ABCG8: variants seen among roughly 807,000 people sequenced by gnomAD.
ABCG8 encodes the protein ATP binding cassette subfamily G member 8.
A neutral mutation model predicts 71.3 loss-of-function variants in ABCG8; 81 were observed. The observed-to-expected ratio is 1.14, with a 90% confidence interval of 0.95 to 1.37. The LOEUF (loss-of-function observed/expected upper bound fraction) is 1.37, where lower values mean the gene tolerates loss of function less well. Among genes scored for constraint, ABCG8 ranks in the 40% most tolerant of loss-of-function variants. The probability of loss-of-function intolerance (pLI) is 0.00; values close to 1 mark genes in which losing one functional copy is unlikely to be tolerated. For synonymous variants in ABCG8, 451 were observed against 354.7 expected (o/e 1.27, Z -3.05); for missense variants, 1,119 against 866.2 (o/e 1.29, Z -3.66).
chr2:43,867,677 A>G, intron 6 of ABCG8, among the ~76,000 whole-genome samples: 1 of 149,084 alleles, frequency 6.7e-6, no homozygotes, highest in East Asian at 2.0e-4. Flanking sequence ...AACTCTCACT[A>G]TCTGTCTGGA....
At position 43,846,297 on chromosome 2, in the gene ABCG8, T is replaced by A. The variant is rs1407428130; in HGVS notation, c.308T>A (p.Ile103Asn). The change falls in exon 3 of 13, where the codon ATC becomes AAC. Residue 103 changes from isoleucine (I) to asparagine (N), a missense_variant. Physicochemically the swap from Ile to Asn is moderately radical, Grantham distance 149. Coordinates refer to ENST00000272286, the MANE Select transcript of ABCG8 (RefSeq NM_022437.3). ...FKVRSGQMLA[I>N]IGSSGCGRAS... ...GTGAGAAGTGGGCAGATGCTGGCCA[T>A]CATAGGGAGCTCAGGTACCGGAAAG... 6.2e-7 allele frequency: 1 copy of A among 1,614,178 alleles called. No individual in the cohort carries two copies. Among genetic ancestry groups the A allele is most frequent in the East Asian group, 2.2e-5 (1 of 44,884 alleles).
intron 6 of ABCG8, among the ~76,000 whole-genome samples, chr2:43,869,298 G>A (rs1438135365): frequency 5.5e-5 from 8 of 146,666 alleles, no homozygotes; most frequent in African/African-American, 1.8e-4. Flanking sequence ...TAGTATTCTC[G>A]CTCTCTGGAA....
intron 6 of ABCG8, among the ~76,000 whole-genome samples, chr2:43,870,943 G>A (rs1343666790): frequency 1.4e-5 from 2 of 144,402 alleles, no homozygotes; most frequent in African/African-American, 5.2e-5. Flanking sequence ...TAACTCGATA[G>A]AACTTTCACC....
chr2:43,842,673 GC>G (rs1668616698), intron 1 of ABCG8, among the ~76,000 whole-genome samples: 1 of 152,042 alleles, frequency 6.6e-6, no homozygotes, highest in South Asian at 2.1e-4. Context: ...ATTACCAAAA[GC>G]TTTGAAGCTT....
chr2:43,841,547 C>T (rs145722335), intron 1 of ABCG8, among the ~76,000 whole-genome samples: 1 of 152,198 alleles, frequency 6.6e-6, no homozygotes, highest in African/African-American at 2.4e-5. Context: ...AACCCAGGCA[C>T]GAATTTTCTT....
chr2:43,854,025 C>T (rs1176239464), intron 6 of ABCG8, among the ~76,000 whole-genome samples: 1 of 152,228 alleles, frequency 6.6e-6, no homozygotes, highest in Non-Finnish European at 1.5e-5. Context: ...AGAATAGGGG[C>T]CAAAAGGCAC....
At chr2:43,864,712 C>T (rs968399545) in intron 6 of ABCG8, among the ~76,000 whole-genome samples, 1 of 151,828 alleles carries the variant, frequency 6.6e-6, no homozygotes, top group African/African-American at 2.4e-5. Flanking sequence ...AGAATTCCCA[C>T]CCTCTAGGTA....
In ABCG8 at chr2:43,877,814, C is replaced by CG. The variant is rs1302508525; in HGVS notation, c.1924dup (p.Ala642GlyfsTer90). ...TGGAGCTGGACTCGTACCCTCTCTA[C>CG]GCCATCTACCTCATCGTCATTGGCC... On this transcript the variant is annotated frameshift_variant, in exon 13 of 13. Transcript: ENST00000272286. LOFTEE classifies it high-confidence loss of function. The CG allele has an allele frequency of 6.2e-7, 1 of 1,614,060 alleles. No individual in the cohort carries two copies.
intron 6 of ABCG8, among the ~76,000 whole-genome samples, chr2:43,865,963 A>G (rs1669518965): frequency 6.6e-6 from 1 of 151,330 alleles, no homozygotes; most frequent in Non-Finnish European, 1.5e-5. Flanking sequence ...GGCTACAGTA[A>G]CCAAAACATC....
At chr2:43,855,239 T>C (rs1006074082) in intron 6 of ABCG8, among the ~76,000 whole-genome samples, 1 of 152,220 alleles carries the variant, frequency 6.6e-6, no homozygotes, top group South Asian at 2.1e-4. Context: ...ACCATCTAGA[T>C]AGAACTCTCA....
chr2:43,875,073 C>T, intron 10 of ABCG8, 73 bp from the exon 11 acceptor site: 1 of 1,606,704 alleles, frequency 6.2e-7, no homozygotes, highest in Non-Finnish European at 8.5e-7. Flanking sequence ...GGGGGCACTG[C>T]TACTTTTAAA....
rs1431990668 is a variant in ABCG8, at chr2:43,878,146, C to A, written c.*233C>A. ...GGAGACTGCGATGACTGGGAGAAAA[C>A]CTGCACTCGGTGGCACCTACAACGT... On this transcript the variant is annotated 3_prime_UTR_variant, in exon 13 of 13. Transcript: ENST00000272286. 6.5e-6 allele frequency: 4 copies of A among 611,822 alleles called. No homozygotes were observed. The East Asian group carries it at 8.9e-5, about 14-fold the overall frequency. The allele number at this position is 611,822 out of a possible 1,614,324, so 37.9% of individuals were successfully genotyped here.
intron 6 of ABCG8, among the ~76,000 whole-genome samples, chr2:43,864,938 C>G (rs1407091159): frequency 6.7e-6 from 1 of 148,224 alleles, no homozygotes; most frequent in Non-Finnish European, 1.5e-5. Context: ...ATATAACTCT[C>G]ACTATCTATC....
chr2:43,855,314 C>A (rs577462711), intron 6 of ABCG8, among the ~76,000 whole-genome samples: 58 of 152,212 alleles, frequency 3.8e-4, no homozygotes, highest in Non-Finnish European at 7.5e-4. Flanking sequence ...AGAATACTCA[C>A]TCTCTGGATA....
At chr2:43,870,528 T>C (rs1033380386) in intron 6 of ABCG8, among the ~76,000 whole-genome samples, 1 of 152,128 alleles carries the variant, frequency 6.6e-6, no homozygotes, top group African/African-American at 2.4e-5. Context: ...ATTCTCACCC[T>C]TTGGATAGAA....
intron 6 of ABCG8, among the ~76,000 whole-genome samples, chr2:43,858,520 C>T (rs560110398): frequency 1.3e-5 from 2 of 150,752 alleles, no homozygotes; most frequent in African/African-American, 4.9e-5. Context: ...CTATCTATCT[C>T]GATAGAATTC....
At chr2:43,865,415 A>T (rs1253889674) in intron 6 of ABCG8, among the ~76,000 whole-genome samples, 1 of 151,082 alleles carries the variant, frequency 6.6e-6, no homozygotes, top group Non-Finnish European at 1.5e-5. Context: ...ATCTGTCTGG[A>T]TAGAATTCTT....
intron 6 of ABCG8, among the ~76,000 whole-genome samples, chr2:43,865,839 A>G (rs898135002): frequency 1.3e-5 from 2 of 149,784 alleles, no homozygotes; most frequent in African/African-American, 4.9e-5. Context: ...CTCACTATCT[A>G]TCTGGATAGA....
chr2:43,852,449 G>C lies in ABCG8; in HGVS notation c.657G>C (p.Arg219Ser). 1 of 1,613,238 alleles carries C rather than the reference G, an allele frequency of 6.2e-7. No homozygotes were observed. The highest frequency in any genetic ancestry group is 1.1e-5 in the South Asian group (1 of 91,040). The change falls in exon 5 of 13, where the codon AGG (arginine) becomes AGC (serine). Residue 219 changes from arginine (R) to serine (S), a missense_variant. Coordinates refer to ENST00000272286, the MANE Select transcript of ABCG8 (RefSeq NM_022437.3). ...GGGGGTTGTCGGGGGGTGAGCGCAG[G>C]AGAGTCAGCATTGGGGTGCAGCTCC... is the stretch of plus-strand genomic sequence containing the variant. ...YVRGLSGGERRRVSIGVQLLW... is the reference protein window; with the variant it reads ...YVRGLSGGERSRVSIGVQLLW...
Sources: gnomAD v4.1 joint callset for allele counts (sites outside exome capture counted in the v4.1 genomes callset) on GRCh38, gnomAD v4.1.1 for gene constraint, MANE v1.5 for transcripts, NCBI Gene and HGNC (gene_info 2026-07-23, HGNC 2026-07-21) for gene names.